The following ADAM19 variants were observed in gnomAD, a reference collection of about 807,000 sequenced individuals.
The protein encoded by ADAM19 is ADAM metallopeptidase domain 19, also known as disintegrin and metalloproteinase domain-containing protein 19.
Under a neutral mutation model 114.7 loss-of-function variants are expected in ADAM19, and 65 were observed. The observed-to-expected ratio is 0.57, with a 90% CI of 0.46 to 0.70. The LOEUF is 0.70. Among genes scored for constraint, ADAM19 ranks in the 30% least tolerant of loss-of-function variants. The pLI is 0.00. For synonymous variants in ADAM19, 466 were observed against 460.5 expected, an observed-to-expected ratio of 1.01 and a Z score of -0.15; for missense variants, 1,063 against 1,204.7, an observed-to-expected ratio of 0.88 and a Z score of 1.74.
intron 1 of ADAM19, among the ~76,000 whole-genome samples, chr5:157,572,942 C>T (rs1166680665): frequency 6.6e-6 from 1 of 152,118 alleles, no homozygotes; most frequent in Admixed American, 6.5e-5. Flanking sequence ...CCCAGCTACT[C>T]AGGAGGCTGA....
chr5:157,510,853 A>G (rs1755898792), intron 8 of ADAM19, among the ~76,000 whole-genome samples: 2 of 152,248 alleles, frequency 1.3e-5, no homozygotes, highest in Admixed American at 6.5e-5. Context: ...TAAATGACAT[A>G]AAAGTGCACA....
chr5:157,480,906 T>C lies in ADAM19; in HGVS notation c.*43A>G, dbSNP rs959443739. On this transcript the variant is annotated 3_prime_UTR_variant, in exon 23 of 23. Coordinates refer to ENST00000257527, the MANE Select transcript of ADAM19 (RefSeq NM_033274.5). The stretch of plus-strand genomic sequence containing the variant: ...TTCCATGGCCATGGGTCCTCTGCAG[T>C]GTCCAGAGAGCTCAAGGAAAGGGAG... The C allele has an allele frequency of 3.4e-5, 55 of 1,613,646 alleles. No individual in the cohort carries two copies. The highest frequency in any genetic ancestry group is 4.6e-5 in the Non-Finnish European group (54 of 1,179,878).
rs910447973 is a variant in ADAM19 at position 157,509,270 on chromosome 5, A to G, written c.905+31T>C. The G allele has an allele frequency of 2.5e-6, 4 of 1,578,400 alleles. No homozygotes were observed. The African/African-American group carries it at 4.1e-5, about 16-fold the overall frequency. On this transcript the variant is annotated intron_variant, in intron 9 of 22. Transcript: ENST00000257527. ...GTGGGCAGAGGCTTTGCAGCCAAGG[A>G]CAACACAACATATGGAAAAAGGCTA...
chr5:157,564,288 C>A (rs1438483808), intron 3 of ADAM19, 85 bp downstream of exon 3: 8 of 1,306,646 alleles, frequency 6.1e-6, no homozygotes, highest in African/African-American at 4.4e-5. Context: ...CCATTGACTG[C>A]TTCCTTCCAG....
At chr5:157,565,417 GTT>G (rs781610256) in intron 2 of ADAM19, among the ~76,000 whole-genome samples, 6 of 152,132 alleles carry the variant, frequency 3.9e-5, no homozygotes, top group Non-Finnish European at 7.4e-5. Flanking sequence ...TGCACTGAGA[GTT>G]TAAAAATGTT....
intron 1 of ADAM19, among the ~76,000 whole-genome samples, chr5:157,571,366 G>T (rs11465246): frequency 0.092 from 13,983 of 152,188 alleles, 752 homozygotes; most frequent in East Asian, 0.24. Context: ...AAACGTGGGG[G>T]AAGAGTGCCC....
intron 3 of ADAM19, among the ~76,000 whole-genome samples, chr5:157,546,265 A>T (rs1757045217): frequency 6.6e-6 from 1 of 152,182 alleles, no homozygotes; most frequent in Admixed American, 6.5e-5. Flanking sequence ...AGTTTCTCCT[A>T]AAAAGCTGTC....
intron 8 of ADAM19, 38 bp from the exon 9 acceptor site, chr5:157,509,505 C>G: frequency 7.0e-7 from 1 of 1,432,296 alleles, no homozygotes; most frequent in African/African-American, 1.4e-5. Flanking sequence ...TCTGTCAATA[C>G]CACCTGGGAT....
chr5:157,533,357 T>G (rs556770346), intron 4 of ADAM19, among the ~76,000 whole-genome samples: 12 of 152,134 alleles, frequency 7.9e-5, no homozygotes, highest in Non-Finnish European at 1.2e-4. Context: ...TGTGCTGTGA[T>G]TATGAAAGAA....
intron 9 of ADAM19, among the ~76,000 whole-genome samples, chr5:157,508,736 C>T (rs1324935164): frequency 2.0e-5 from 3 of 152,168 alleles, no homozygotes; most frequent in African/African-American, 7.2e-5. Flanking sequence ...TCACATGTGA[C>T]CCCCATCACT....
At chr5:157,482,146 A>G (rs1754774274) in intron 21 of ADAM19, among the ~76,000 whole-genome samples, 1 of 152,242 alleles carries the variant, frequency 6.6e-6, no homozygotes, top group Non-Finnish European at 1.5e-5. Flanking sequence ...AAAATTACAA[A>G]TAACCAGTGA....
intron 4 of ADAM19, among the ~76,000 whole-genome samples, chr5:157,537,060 G>A (rs994232089): frequency 6.6e-6 from 1 of 152,250 alleles, no homozygotes; most frequent in Admixed American, 6.5e-5. Context: ...TTGTGGGGGA[G>A]TGGTGGGTCT....
chr5:157,493,829 A>G (rs1289721428), intron 15 of ADAM19, among the ~76,000 whole-genome samples: 1 of 152,106 alleles, frequency 6.6e-6, no homozygotes, highest in African/African-American at 2.4e-5. Context: ...CCAACATTAT[A>G]CTTTAACTGT....
intron 5 of ADAM19, among the ~76,000 whole-genome samples, chr5:157,522,328 T>C (rs552820783): frequency 4.6e-5 from 7 of 152,276 alleles, no homozygotes; most frequent in Admixed American, 3.3e-4. Context: ...CCAGGGTACA[T>C]GTGCAGGATG....
At chr5:157,569,416 C>CT (rs1196722802) in intron 2 of ADAM19, among the ~76,000 whole-genome samples, 2,620 of 97,900 alleles carry the variant, frequency 0.027, 90 homozygotes, top group Non-Finnish European at 0.031. Context: ...AGCTAATTTT[C>CT]TTTTTTTTTT....
intron 21 of ADAM19, among the ~76,000 whole-genome samples, chr5:157,482,877 T>TA: frequency 6.6e-6 from 1 of 152,178 alleles, no homozygotes; most frequent in South Asian, 2.1e-4. Context: ...TATGCAGCCA[T>TA]AAAAAAGGAT....
chr5:157,518,206 C>G (rs1050996382), intron 7 of ADAM19, among the ~76,000 whole-genome samples: 4 of 151,816 alleles, frequency 2.6e-5, no homozygotes, highest in African/African-American at 9.7e-5. Context: ...ACACCAGAAT[C>G]TAAAGGTCTT....
chr5:157,536,060 A>C (rs1251029939), intron 4 of ADAM19, among the ~76,000 whole-genome samples: 1 of 152,244 alleles, frequency 6.6e-6, no homozygotes, highest in Non-Finnish European at 1.5e-5. Context: ...GACACAGTCC[A>C]ACTTTGCTGC....
At chr5:157,498,280 G>A (rs1369146390) in intron 13 of ADAM19, among the ~76,000 whole-genome samples, 1 of 152,224 alleles carries the variant, frequency 6.6e-6, no homozygotes, top group Non-Finnish European at 1.5e-5. Context: ...GTGGGCATGG[G>A]TGGTGTATGC....
Sources: gnomAD v4.1 joint callset for allele counts (sites outside exome capture counted in the v4.1 genomes callset) on GRCh38, gnomAD v4.1.1 for gene constraint, MANE v1.5 for transcripts, NCBI Gene and HGNC (gene_info 2026-07-23, HGNC 2026-07-21) for gene names.